The following ZNF367 variants were observed in gnomAD, a reference collection of about 807,000 sequenced individuals.
ZNF367 encodes zinc finger protein 367, also known as C2H2 zinc finger protein ZFF29.
Under a neutral mutation model 31.8 loss-of-function variants are expected in ZNF367, and 11 were observed. That is an observed-to-expected ratio of 0.35 (90% CI 0.22 to 0.57). The LOEUF (loss-of-function observed/expected upper bound fraction) is 0.57. Among genes scored for constraint, ZNF367 ranks in the 20% least tolerant of loss-of-function variants. ZNF367 has a pLI of 0.85. For synonymous variants in ZNF367, 199 were observed against 202.4 expected (o/e 0.98, Z 0.14); for missense variants, 353 against 484.1 (o/e 0.73, Z 2.54).
chr9:96,412,254 C>T (rs563249041), intron 1 of ZNF367, among the ~76,000 whole-genome samples: 3 of 152,186 alleles, frequency 2.0e-5, no homozygotes, highest in Admixed American at 6.5e-5. Context: ...GTTGACGATT[C>T]GCAACACAAA....
rs1223370821 is a variant in ZNF367 at position 96,386,092 on chromosome 9, G to A, written c.*2145C>T. On this transcript the variant is annotated 3_prime_UTR_variant, in exon 5 of 5. Transcript: ENST00000375256. ...TGTAAACCATTTTTTAAAACAAAAAGCAGTCTTAACACACCTCAAATTTTA... is the reference window on the plus strand; with the variant it reads ...TGTAAACCATTTTTTAAAACAAAAAACAGTCTTAACACACCTCAAATTTTA... 1 of 152,038 alleles carries A rather than the reference G, an allele frequency of 6.6e-6. No individual in the cohort carries two copies. Among genetic ancestry groups the A allele is most frequent in the Non-Finnish European group, 1.5e-5 (1 of 67,984 alleles). 9.4% of individuals were successfully genotyped at this position (152,038 alleles called of 1,614,324 possible).
At chr9:96,414,344 AACT>A (rs1463821992) in intron 1 of ZNF367, among the ~76,000 whole-genome samples, 1 of 152,266 alleles carries the variant, frequency 6.6e-6, no homozygotes, top group African/African-American at 2.4e-5. Flanking sequence ...CAACAGGAAA[AACT>A]ACATGAGAAA....
At chr9:96,395,373 T>C (rs769760172) in intron 2 of ZNF367, among the ~76,000 whole-genome samples, 7 of 152,126 alleles carry the variant, frequency 4.6e-5, no homozygotes, top group Non-Finnish European at 4.4e-5. Flanking sequence ...GTAGCTGGCA[T>C]AGAAATCTGC....
chr9:96,415,371 C>A (rs887784539), intron 1 of ZNF367, among the ~76,000 whole-genome samples: 1 of 150,088 alleles, frequency 6.7e-6, no homozygotes, highest in Non-Finnish European at 1.5e-5. Context: ...CGGTGGATAC[C>A]GATCCATCTT....
intron 2 of ZNF367, among the ~76,000 whole-genome samples, chr9:96,396,438 G>A (rs1012995111): frequency 1.5e-4 from 23 of 151,874 alleles, no homozygotes; most frequent in African/African-American, 5.1e-4. Flanking sequence ...CCCCTTTCCA[G>A]GGATTTAACT....
At chr9:96,405,931 T>TAATTTTACATTGTAAATTTTAATC (rs1195082523) in intron 1 of ZNF367, among the ~76,000 whole-genome samples, 2 of 152,230 alleles carry the variant, frequency 1.3e-5, no homozygotes, top group African/African-American at 4.8e-5. Flanking sequence ...TAATGTTATG[T>TAATTTTACATTGTAAATTTTAATC]AATTTTACAT....
intron 1 of ZNF367, among the ~76,000 whole-genome samples, chr9:96,413,922 CTA>C (rs1361093596): frequency 6.6e-6 from 1 of 152,176 alleles, no homozygotes; most frequent in Non-Finnish European, 1.5e-5. Context: ...GTTAGTGCCT[CTA>C]TGTGGCATAT....
chr9:96,415,092 TC>T (rs1301373364), intron 1 of ZNF367, among the ~76,000 whole-genome samples: 2 of 150,290 alleles, frequency 1.3e-5, no homozygotes, highest in African/African-American at 4.9e-5. Flanking sequence ...TCTTGCTCTG[TC>T]GCCCAGGCTG....
chr9:96,407,838 C>G (rs1831690323), intron 1 of ZNF367: 1 of 780,278 alleles, frequency 1.3e-6, no homozygotes, highest in South Asian at 2.3e-5. Context: ...TGGTCTCGAT[C>G]TCTCTGATCC....
chr9:96,391,720 G>A lies in ZNF367; in HGVS notation c.830+678C>T, dbSNP rs527974141. 3.3e-5 allele frequency among the ~76,000 whole-genome samples: 5 copies of A among 152,170 alleles called. No individual in the cohort carries two copies. The South Asian group carries it at 1.0e-3, about 32-fold the overall frequency. On this transcript the variant is annotated intron_variant, in intron 4 of 4. Transcript: ENST00000375256. Reference sequence around the variant, plus strand: ...TGGAAAAAATTAAATTGGTGTTTTTGGAACCTCACCTAAGAAGAACCACTA... The same window carrying A: ...TGGAAAAAATTAAATTGGTGTTTTTAGAACCTCACCTAAGAAGAACCACTA...
chr9:96,402,444 C>CTTTTTTTTTTTTTTT (rs1174997133), intron 1 of ZNF367, among the ~76,000 whole-genome samples: 2 of 66,094 alleles, frequency 3.0e-5, no homozygotes, highest in Non-Finnish European at 5.2e-5. Flanking sequence ...TTCTTTCTTT[C>CTTTTTTTTTTTTTTT]TTTTTTTTTT....
chr9:96,416,002 C>A (rs1004648662), intron 1 of ZNF367, among the ~76,000 whole-genome samples: 4 of 151,474 alleles, frequency 2.6e-5, no homozygotes, highest in Non-Finnish European at 5.9e-5. Flanking sequence ...CTCCTGGTCT[C>A]AAGTGATTCC....
At chr9:96,394,017 T>C (rs915097771) in intron 3 of ZNF367, among the ~76,000 whole-genome samples, 5 of 152,186 alleles carry the variant, frequency 3.3e-5, no homozygotes, top group Non-Finnish European at 7.3e-5. Flanking sequence ...AAAATGTGCA[T>C]CTTTAGAAAC....
chr9:96,407,234 A>G, intron 1 of ZNF367: 1 of 934,338 alleles, frequency 1.1e-6, no homozygotes, highest in Non-Finnish European at 1.7e-6. Context: ...GAAAATTGAG[A>G]GCATTTTCGC....
At chr9:96,410,627 A>G (rs1587748954) in intron 1 of ZNF367, among the ~76,000 whole-genome samples, 2 of 146,260 alleles carry the variant, frequency 1.4e-5, no homozygotes, top group East Asian at 2.1e-4. Flanking sequence ...TGTAATCCCA[A>G]CACTTGGGGA....
intron 4 of ZNF367, among the ~76,000 whole-genome samples, chr9:96,391,128 T>A (rs1831467773): frequency 6.6e-6 from 1 of 152,218 alleles, no homozygotes; most frequent in African/African-American, 2.4e-5. Context: ...AATTCTTATG[T>A]ATTTTTATCC....
At chr9:96,396,147 C>A (rs1202950646) in intron 2 of ZNF367, among the ~76,000 whole-genome samples, 1 of 152,176 alleles carries the variant, frequency 6.6e-6, no homozygotes, top group Non-Finnish European at 1.5e-5. Flanking sequence ...GACATCTAGG[C>A]TGATGCCTGG....
At chr9:96,407,253 G>T in intron 1 of ZNF367, 1 of 1,252,170 alleles carries the variant, frequency 8.0e-7, no homozygotes, top group Non-Finnish European at 1.2e-6. Flanking sequence ...GCACCCCAGG[G>T]GCTGCTCCTG....
chr9:96,391,356 A>G (rs1008634908), intron 4 of ZNF367, among the ~76,000 whole-genome samples: 6 of 152,240 alleles, frequency 3.9e-5, no homozygotes, highest in Non-Finnish European at 7.3e-5. Context: ...GTTGCTGAGC[A>G]GGTCAGGGAG....
Sources: allele counts gnomAD v4.1 joint callset (sites outside exome capture counted in the v4.1 genomes callset), GRCh38; gene constraint gnomAD v4.1.1; transcripts MANE v1.5; gene names NCBI Gene and HGNC (gene_info 2026-07-23, HGNC 2026-07-21).